Variants in KCNAB1 observed in about 807,000 individuals in gnomAD.
KCNAB1 encodes voltage-gated potassium channel subunit beta-1.
Under a neutral mutation model 64.6 loss-of-function variants are expected in KCNAB1, and 35 were observed. That is an observed-to-expected ratio of 0.54 (90% CI 0.41 to 0.72). The LOEUF is 0.72. Among genes scored for constraint, KCNAB1 ranks in the 30% least tolerant of loss-of-function variants. The probability of loss-of-function intolerance (pLI) is 0.00; values close to 1 mark genes in which losing one functional copy is unlikely to be tolerated. For missense variants in KCNAB1, 401 were observed against 512.9 expected (o/e 0.78, Z 2.11); for synonymous variants, 177 against 183.8 (o/e 0.96, Z 0.30).
chr3:156,481,480 C>A lies in KCNAB1; in HGVS notation c.658+6660C>A, dbSNP rs116249390. Among the ~76,000 whole-genome samples the A allele has an allele frequency of 9.0e-3, 1,350 of 150,074 alleles. 10 individuals carry two copies. The highest frequency in any genetic ancestry group is 0.014 in the Non-Finnish European group (919 of 67,684). ...AGCAGTTTTGTTTCCATTTTAACTG[C>A]AAATTCACCAAAAATTTTCCTGATA... On this transcript the variant is annotated intron_variant, in intron 8 of 13. Coordinates refer to ENST00000490337, the MANE Select transcript of KCNAB1 (RefSeq NM_172160.3).
chr3:156,467,954 T>G (rs191009762), intron 7 of KCNAB1, among the ~76,000 whole-genome samples: 93 of 152,262 alleles, frequency 6.1e-4, no homozygotes, highest in African/African-American at 2.1e-3. Flanking sequence ...TTCTGGAAAT[T>G]CACTCTTCAT....
At chr3:156,153,478 A>C (rs752338301) in intron 1 of KCNAB1, among the ~76,000 whole-genome samples, 8 of 152,170 alleles carry the variant, frequency 5.3e-5, no homozygotes, top group Middle Eastern at 3.2e-3. Flanking sequence ...TGTCAGTTTG[A>C]CTGGGCCACA....
chr3:156,262,176 G>T lies in KCNAB1; in HGVS notation c.275+141290G>T, dbSNP rs113991996. 3.3e-4 allele frequency among the ~76,000 whole-genome samples: 50 copies of T among 151,718 alleles called. 1 individual carries two copies. Among genetic ancestry groups the T allele is most frequent in the African/African-American group, 1.1e-3 (44 of 41,448 alleles). On this transcript the variant is annotated intron_variant, in intron 1 of 13. Transcript: ENST00000490337. Reference sequence around the variant, plus strand: ...GTTTTACTTCTCCCTTTCAAGTCTGGGCATCTTTAATTTCCTTTTATTTAT... The same window carrying T: ...GTTTTACTTCTCCCTTTCAAGTCTGTGCATCTTTAATTTCCTTTTATTTAT...
chr3:156,279,532 G>A (rs1719563124), intron 1 of KCNAB1, among the ~76,000 whole-genome samples: 1 of 152,014 alleles, frequency 6.6e-6, no homozygotes, highest in Admixed American at 6.6e-5. Context: ...GATCCCTGAG[G>A]AGTCGCCACA....
chr3:156,155,494 T>C (rs893655151), intron 1 of KCNAB1, among the ~76,000 whole-genome samples: 13 of 152,164 alleles, frequency 8.5e-5, no homozygotes, highest in Admixed American at 7.9e-4. Context: ...TTAAATAACA[T>C]AGCCAAGGAA....
intron 1 of KCNAB1, among the ~76,000 whole-genome samples, chr3:156,150,921 A>G (rs1715366373): frequency 6.6e-6 from 1 of 152,202 alleles, no homozygotes; most frequent in Admixed American, 6.5e-5. Context: ...TATTTTATAG[A>G]GCAAATTTTC....
intron 1 of KCNAB1, among the ~76,000 whole-genome samples, chr3:156,361,522 C>A (rs1486152673): frequency 1.3e-5 from 2 of 152,160 alleles, no homozygotes; most frequent in East Asian, 3.8e-4. Flanking sequence ...TATTGTCAGC[C>A]ACTCCCCACT....
intron 1 of KCNAB1, among the ~76,000 whole-genome samples, chr3:156,236,491 T>A (rs1387522458): frequency 6.6e-6 from 1 of 152,132 alleles, no homozygotes; most frequent in East Asian, 1.9e-4. Context: ...TGAGACAAAT[T>A]TGGGAGCCAT....
At chr3:156,319,462 T>C (rs1722510869) in intron 1 of KCNAB1, among the ~76,000 whole-genome samples, 1 of 152,202 alleles carries the variant, frequency 6.6e-6, no homozygotes, top group African/African-American at 2.4e-5. Flanking sequence ...AGAAGTGATG[T>C]TATCACTTCT....
intron 1 of KCNAB1, among the ~76,000 whole-genome samples, chr3:156,224,337 C>T (rs995161282): frequency 1.4e-4 from 22 of 152,252 alleles, no homozygotes; most frequent in Non-Finnish European, 2.8e-4. Context: ...CTGAGGGAGC[C>T]GGCTCCGGCC....
chr3:156,143,574 T>TTGG (rs1302506133), intron 1 of KCNAB1, among the ~76,000 whole-genome samples: 11 of 25,712 alleles, frequency 4.3e-4, no homozygotes, highest in Non-Finnish European at 6.1e-4. Flanking sequence ...TTCTTGTTTT[T>TTGG]TTTTTTTTTT....
intron 1 of KCNAB1, among the ~76,000 whole-genome samples, chr3:156,124,227 T>C (rs1713515844): frequency 6.6e-6 from 1 of 151,696 alleles, no homozygotes; most frequent in African/African-American, 2.4e-5. Context: ...TTTTTTTTTT[T>C]TCTTTTTGAG....
In KCNAB1 at chr3:156,315,067, C is replaced by T. The variant is rs545044307; in HGVS notation, c.276-106549C>T. 7.2e-5 allele frequency among the ~76,000 whole-genome samples: 11 copies of T among 152,228 alleles called. 1 individual carries two copies. The highest frequency in any genetic ancestry group is 1.9e-4 in the East Asian group (1 of 5,180). ...CGGGTCTCCAAAAAATCTGGCATCA[C>T]GTAAGCAAGAGGCAGGAAACTGGTA... is the stretch of plus-strand genomic sequence containing the variant. On this transcript the variant is annotated intron_variant, in intron 1 of 13. Transcript: ENST00000490337.
chr3:156,344,459 G>T (rs559062370), intron 1 of KCNAB1, among the ~76,000 whole-genome samples: 1 of 152,308 alleles, frequency 6.6e-6, no homozygotes, highest in South Asian at 2.1e-4. Flanking sequence ...TTCTTGCCAT[G>T]TGTGCAACCA....
downstream of KCNAB1, chr3:156,539,042 ATG>A (rs2108440527): frequency 6.7e-6 from 1 of 149,072 alleles, no homozygotes; most frequent in Non-Finnish European, 1.5e-5. Flanking sequence ...TTAGTTAGTT[ATG>A]TCCTTAAGAA....
At chr3:156,464,630 A>C (rs1008771277) in intron 6 of KCNAB1, among the ~76,000 whole-genome samples, 2 of 152,158 alleles carry the variant, frequency 1.3e-5, no homozygotes, top group Admixed American at 6.6e-5. Flanking sequence ...TCTAATCAAA[A>C]TGTCTATGTG....
intron 1 of KCNAB1, among the ~76,000 whole-genome samples, chr3:156,333,319 A>ACACAC (rs1723464928): frequency 1.4e-5 from 2 of 143,302 alleles, no homozygotes; most frequent in African/African-American, 5.3e-5. Context: ...CGCACATAGA[A>ACACAC]ACACACACAC....
chr3:156,295,301 G>A (rs1335461779), intron 1 of KCNAB1, among the ~76,000 whole-genome samples: 1 of 152,084 alleles, frequency 6.6e-6, no homozygotes, highest in South Asian at 2.1e-4. Flanking sequence ...AAGGTATATG[G>A]TGCTACCTGG....
intron 1 of KCNAB1, among the ~76,000 whole-genome samples, chr3:156,218,406 C>T (rs967805761): frequency 6.6e-6 from 1 of 152,190 alleles, no homozygotes; most frequent in African/African-American, 2.4e-5. Flanking sequence ...TCTTTCTCTA[C>T]CTGCCCTGGC....
Sources: allele counts gnomAD v4.1 joint callset (sites outside exome capture counted in the v4.1 genomes callset), GRCh38; gene constraint gnomAD v4.1.1; transcripts MANE v1.5; gene names NCBI Gene and HGNC (gene_info 2026-07-23, HGNC 2026-07-21).